UBE3C: variants seen among roughly 807,000 people sequenced by gnomAD.
The protein encoded by UBE3C is ubiquitin protein ligase E3C.
UBE3C carries 42 observed loss-of-function variants against 129.4 expected under a neutral mutation model. The ratio of observed to expected loss-of-function variants is 0.32; its 90% CI spans 0.25 to 0.42. UBE3C has a LOEUF of 0.42. Ranked by LOEUF, UBE3C falls within the 10% of genes least tolerant of loss-of-function variation. UBE3C has a pLI of 1.00. For synonymous variants in UBE3C, 510 were observed against 492.4 expected, an observed-to-expected ratio of 1.04 and a Z score of -0.47; for missense variants, 1,049 against 1,319.1, an observed-to-expected ratio of 0.80 and a Z score of 3.17.
intron 22 of UBE3C, among the ~76,000 whole-genome samples, chr7:157,258,869 C>A (rs1796825905): frequency 6.6e-6 from 1 of 152,168 alleles, no homozygotes; most frequent in Non-Finnish European, 1.5e-5. Context: ...AACTTCTAAA[C>A]CCGCACTGAC....
chr7:157,206,845 G>A (rs1397234972), intron 11 of UBE3C, among the ~76,000 whole-genome samples: 1 of 152,208 alleles, frequency 6.6e-6, no homozygotes, highest in Non-Finnish European at 1.5e-5. Flanking sequence ...GAGCAGGATG[G>A]GAGCTGGTGA....
chr7:157,237,601 A>G (rs1796185805), intron 18 of UBE3C, among the ~76,000 whole-genome samples: 3 of 152,130 alleles, frequency 2.0e-5, no homozygotes, highest in Non-Finnish European at 2.9e-5. Context: ...TCATGAGAAG[A>G]ATGGATCAGT....
At position 157,139,175 on chromosome 7, in the gene UBE3C, G is replaced by C. The variant is rs1164731722; in HGVS notation, c.-98G>C. 2 of 885,298 alleles carry C rather than the reference G, an allele frequency of 2.3e-6. No individual in the cohort carries two copies. Among genetic ancestry groups the C allele is most frequent in the Non-Finnish European group, 2.8e-6 (2 of 722,224 alleles). The allele number at this position is 885,298 out of a possible 1,614,324, so 54.8% of individuals were successfully genotyped here. A position where few individuals can be genotyped will look rare whatever the true frequency, so the allele number is the denominator to read the frequency against. The stretch of plus-strand genomic sequence containing the variant: ...CGCCGCGTCCTCGCTGCCCCGGGCC[G>C]GGCGGGCGGGCGCCGAGAGCCTCCC... On this transcript the variant is annotated 5_prime_UTR_variant, in exon 1 of 23. Coordinates refer to ENST00000348165, the MANE Select transcript of UBE3C (RefSeq NM_014671.3).
chr7:157,241,489 A>G (rs1391611522), intron 18 of UBE3C, among the ~76,000 whole-genome samples: 1 of 152,244 alleles, frequency 6.6e-6, no homozygotes. Flanking sequence ...CTAGTCATCA[A>G]GGAAGGGCAA....
intron 4 of UBE3C, among the ~76,000 whole-genome samples, chr7:157,174,330 C>A (rs1808458116): frequency 6.6e-6 from 1 of 152,302 alleles, no homozygotes; most frequent in East Asian, 1.9e-4. Context: ...TTACAGATTT[C>A]TGATATTTGC....
chr7:157,175,352 G>A (rs1163303369), intron 5 of UBE3C, among the ~76,000 whole-genome samples: 1 of 152,052 alleles, frequency 6.6e-6, no homozygotes, highest in Admixed American at 6.5e-5. Flanking sequence ...GACTCCTGAT[G>A]TGTGAGAATG....
intron 22 of UBE3C, 142 bp from the exon 23 acceptor site, chr7:157,267,443 C>A: frequency 1.9e-6 from 2 of 1,055,366 alleles, no homozygotes; most frequent in Non-Finnish European, 2.8e-6. Context: ...ACAACAACAA[C>A]AAAGCAAATG....
intron 18 of UBE3C, chr7:157,231,611 A>G (rs1584806519): frequency 5.2e-6 from 2 of 385,042 alleles, no homozygotes; most frequent in East Asian, 6.2e-5. Flanking sequence ...GGCCGTCATG[A>G]ATGGATGAGT....
Position 157,231,134 on chromosome 7 carries a change from A to G in UBE3C, c.2288A>G (p.Asp763Gly), listed in dbSNP as rs1316718501. Residue 763 changes from aspartate (D) to glycine (G), a missense_variant, in exon 18 of 23, where the codon GAT (aspartate) becomes GGT (glycine). Physicochemically the swap from Asp to Gly is moderately conservative, Grantham distance 94. Around this residue, in one of 4 missense-constraint regions of UBE3C, gnomAD observed 314 missense variants for 416.9 expected, o/e 0.75. Transcript: ENST00000348165. Reference protein sequence around the residue: ...RVHLLNAHGLDEAGIDGGGIF... With the variant: ...RVHLLNAHGLGEAGIDGGGIF... ...CACTTGCTCAATGCCCATGGCCTGGATGAAGCTGGCATTGATGGTGGTGGT... is the reference window on the plus strand; with the variant it reads ...CACTTGCTCAATGCCCATGGCCTGGGTGAAGCTGGCATTGATGGTGGTGGT... 6.2e-7 allele frequency: 1 copy of G among 1,614,072 alleles called. No individual in the cohort carries two copies. Among genetic ancestry groups the G allele is most frequent in the Non-Finnish European group, 8.5e-7 (1 of 1,180,028 alleles).
At chr7:157,158,535 GTGA>G (rs1807980349) in intron 1 of UBE3C, among the ~76,000 whole-genome samples, 1 of 152,350 alleles carries the variant, frequency 6.6e-6, no homozygotes, top group East Asian at 1.9e-4. Context: ...GTGATTAAAA[GTGA>G]TGATTAGTCA....
At chr7:157,188,311 G>T (rs187688682) in intron 10 of UBE3C, among the ~76,000 whole-genome samples, 48 of 152,338 alleles carry the variant, frequency 3.2e-4, no homozygotes, top group African/African-American at 9.9e-4. Flanking sequence ...GAAATGAACT[G>T]TAAGTAAGGA....
chr7:157,263,469 G>C (rs1269032387), intron 22 of UBE3C, among the ~76,000 whole-genome samples: 1 of 152,168 alleles, frequency 6.6e-6, no homozygotes, highest in Non-Finnish European at 1.5e-5. Context: ...TTCTCGACCA[G>C]CCTGGCCAAC....
rs553866666 is a variant in UBE3C, at chr7:157,187,062, G to A, written c.1331+41G>A. 3.5e-5 allele frequency: 54 copies of A among 1,543,010 alleles called. No homozygotes were observed. In the African/African-American group the frequency reaches 4.1e-4, roughly 12 times the overall value. ...CGTCTGTGCCAGGGGGTGCCAGCCA[G>A]AGAACATACCTTCCTCCCTGGGAAT... On this transcript the variant is annotated intron_variant, in intron 10 of 22. Transcript: ENST00000348165.
chr7:157,211,167 G>GGGGAGAGAGAGAGAGAGAGAGA (rs1491521524), intron 13 of UBE3C, among the ~76,000 whole-genome samples: 7 of 137,082 alleles, frequency 5.1e-5, no homozygotes, highest in Non-Finnish European at 7.7e-5. Context: ...CCATATGTCT[G>GGGGAGAGAGAGAGAGAGAGAGA]GAGAGAGAGA....
chr7:157,257,149 T>C, intron 22 of UBE3C, 105 bp downstream of exon 22: 1 of 1,453,474 alleles, frequency 6.9e-7, no homozygotes, highest in East Asian at 2.3e-5. Flanking sequence ...CACTTTTGTT[T>C]TTATCTTCAG....
rs1301900094 is a variant in UBE3C at position 157,207,468 on chromosome 7, A to T, written c.1489A>T (p.Ile497Phe). The T allele has an allele frequency of 6.2e-7, 1 of 1,614,032 alleles. No homozygotes were observed. Among genetic ancestry groups the T allele is most frequent in the Non-Finnish European group, 8.5e-7 (1 of 1,180,004 alleles). The change falls in exon 12 of 23, where the codon ATC (isoleucine) becomes TTC (phenylalanine). Residue 497 changes from isoleucine to phenylalanine, a missense_variant. This residue lies in a region of UBE3C where 314 missense variants were observed against 416.9 expected (regional missense o/e 0.75). Coordinates refer to ENST00000348165, the MANE Select transcript of UBE3C (RefSeq NM_014671.3). ...GTCTTTTGAAGATTCTAGTCGAATC[A>T]TCCCACTCTTTTATCTTTTTAGCTC... The part of the protein sequence containing the change: ...PMSFEDSSRI[I>F]PLFYLFSSLF...
Position 157,178,472 on chromosome 7 carries a change from G to C in UBE3C, c.459-218G>C, listed in dbSNP as rs573255555. Among the ~76,000 whole-genome samples the C allele has an allele frequency of 7.9e-4, 120 of 152,264 alleles. 1 individual carries two copies. The highest frequency in any genetic ancestry group is 2.3e-3 in the Admixed American group (35 of 15,290). On this transcript the variant is annotated intron_variant, in intron 5 of 22. Transcript: ENST00000348165. ...TTTCTTGTCTGTGAACTTAGTGCCA[G>C]CATACCGTTTGGCACATAACGAGAA...
In UBE3C at chr7:157,268,398, GTC is replaced by G. The variant is rs1797135939; in HGVS notation, c.*645_*646del. ...TGCCTCATGATGGTTTGGAGATACT[GTC>G]TGTGGATGTGAGGTGGGGACTTCAT... On this transcript the variant is annotated 3_prime_UTR_variant, in exon 23 of 23. Coordinates refer to ENST00000348165, the MANE Select transcript of UBE3C (RefSeq NM_014671.3). 1 of 152,678 alleles carries G rather than the reference GTC, an allele frequency of 6.5e-6. No homozygotes were observed. 9.5% of individuals were successfully genotyped at this position (152,678 alleles called of 1,614,324 possible).
chr7:157,231,358 C>T (rs367856558), intron 18 of UBE3C, 31 bp downstream of exon 18: 64 of 1,605,828 alleles, frequency 4.0e-5, no homozygotes, highest in East Asian at 3.3e-4. Flanking sequence ...AAATAGACCT[C>T]GGACCAAAAG....
Sources: allele counts gnomAD v4.1 joint callset (sites outside exome capture counted in the v4.1 genomes callset), GRCh38; gene constraint gnomAD v4.1.1; regional missense constraint gnomAD v4.1.1; transcripts MANE v1.5; gene names NCBI Gene and HGNC (gene_info 2026-07-23, HGNC 2026-07-21).